IPO8: variants seen among roughly 807,000 people sequenced by gnomAD.
IPO8 encodes importin-8.
IPO8 carries 65 observed loss-of-function variants against 141.2 expected under a neutral mutation model. That is an observed-to-expected ratio of 0.46 (90% CI 0.38 to 0.57). IPO8 has a LOEUF of 0.57. Among genes scored for constraint, IPO8 ranks in the 20% least tolerant of loss-of-function variants. IPO8 has a pLI of 0.00. For missense variants in IPO8, 980 were observed against 1,246.8 expected (o/e 0.79, Z 3.22); for synonymous variants, 411 against 420.3 (o/e 0.98, Z 0.27).
chr12:30,639,567 T>C lies in IPO8; in HGVS notation c.2437A>G (p.Ile813Val). ...CATTGATTTATAAACTGTACAGTGA[T>C]AGGTCCAGGGTTGTGAGGCAACTGA... Reference protein sequence around the residue: ...RIQLPHNPGPITVQFINQWMN... With the variant: ...RIQLPHNPGPVTVQFINQWMN... The change falls in exon 21 of 25, where the codon ATC becomes GTC. Residue 813 changes from isoleucine (I) to valine (V), a missense_variant. Ile to Val is a conservative substitution (Grantham distance 29). Transcript: ENST00000256079. The C allele has an allele frequency of 1.2e-6, 2 of 1,614,018 alleles. No homozygotes were observed. Among genetic ancestry groups the C allele is most frequent in the East Asian group, 2.2e-5 (1 of 44,866 alleles).
chr12:30,645,116 G>A (rs901351421), intron 20 of IPO8, among the ~76,000 whole-genome samples: 4 of 151,392 alleles, frequency 2.6e-5, no homozygotes, highest in South Asian at 2.1e-4. Flanking sequence ...GCTCACGCCT[G>A]TAATCCCAGC....
intron 11 of IPO8, 75 bp downstream of exon 11, chr12:30,666,100 A>G (rs1245261065): frequency 3.2e-6 from 3 of 948,074 alleles, no homozygotes; most frequent in Non-Finnish European, 3.2e-6. Flanking sequence ...TTTCTCAAAT[A>G]CTAGGGATAT....
At chr12:30,635,907 C>G (rs1331842136) in intron 22 of IPO8, among the ~76,000 whole-genome samples, 1 of 151,868 alleles carries the variant, frequency 6.6e-6, no homozygotes, top group Non-Finnish European at 1.5e-5. Context: ...TTCCCTCAAG[C>G]CATACAGTAT....
chr12:30,676,630 C>CAAAA (rs1240336310), intron 5 of IPO8, 43 bp from the exon 6 acceptor site: 1 of 1,392,754 alleles, frequency 7.2e-7, no homozygotes, highest in African/African-American at 1.4e-5. Context: ...TCCTCCCATC[C>CAAAA]AAAAAAATCA....
intron 16 of IPO8, among the ~76,000 whole-genome samples, chr12:30,659,126 C>T (rs933939521): frequency 2.0e-5 from 3 of 151,940 alleles, no homozygotes; most frequent in Non-Finnish European, 4.4e-5. Context: ...GTGATCCACC[C>T]GCCTCAGCCT....
In IPO8 at chr12:30,652,287, T is replaced by G. The variant is rs762290869; in HGVS notation, c.2077A>C (p.Met693Leu). 6.3e-7 allele frequency: 1 copy of G among 1,580,618 alleles called. No individual in the cohort carries two copies. The highest frequency in any genetic ancestry group is 1.7e-5 in the Admixed American group (1 of 58,668). The change falls in exon 19 of 25, where the codon ATG becomes CTG. Residue 693 changes from methionine (M) to leucine (L), a missense_variant and splice_region_variant. Physicochemically the swap from Met to Leu is conservative, Grantham distance 15. Transcript: ENST00000256079. ...ACATAATTATGCAGGAGAGGCATCATGTCTGAAAAAAAATCAAAATCCCAA... is the reference window on the plus strand; with the variant it reads ...ACATAATTATGCAGGAGAGGCATCAGGTCTGAAAAAAAATCAAAATCCCAA... ...QQDCFEYFTDMMPLLHNYVTI... is the reference protein window; with the variant it reads ...QQDCFEYFTDLMPLLHNYVTI...
Position 30,630,705 on chromosome 12 carries a change from G to C in IPO8, c.*155C>G. 1 of 606,698 alleles carries C rather than the reference G, an allele frequency of 1.6e-6. No homozygotes were observed. Among genetic ancestry groups the C allele is most frequent in the Non-Finnish European group, 2.9e-6 (1 of 340,672 alleles). 37.6% of individuals were successfully genotyped at this position (606,698 alleles called of 1,614,324 possible). A position where few individuals can be genotyped will look rare whatever the true frequency, so the allele number is the denominator to read the frequency against. On this transcript the variant is annotated 3_prime_UTR_variant, in exon 25 of 25. Coordinates refer to ENST00000256079, the MANE Select transcript of IPO8 (RefSeq NM_006390.4). The stretch of plus-strand genomic sequence containing the variant: ...ATTTCAGGGTGACAAAGGTCAAAGG[G>C]GAAAGAGTAGATAAAAGTGCTGCCT...
chr12:30,639,818 A>T, intron 20 of IPO8, 83 bp from the exon 21 acceptor site: 1 of 911,688 alleles, frequency 1.1e-6, no homozygotes, highest in Admixed American at 1.8e-5. Context: ...GAGCATTCTC[A>T]ATAAATAAGA....
At chr12:30,644,020 C>T (rs2052607224) in intron 20 of IPO8, among the ~76,000 whole-genome samples, 1 of 152,100 alleles carries the variant, frequency 6.6e-6, no homozygotes, top group Admixed American at 6.5e-5. Flanking sequence ...TTATTTTCAC[C>T]TCCACTATGT....
chr12:30,659,034 C>A (rs988911795), intron 16 of IPO8, among the ~76,000 whole-genome samples: 5 of 151,826 alleles, frequency 3.3e-5, no homozygotes, highest in Non-Finnish European at 7.4e-5. Flanking sequence ...GCGCCCGCCA[C>A]CACGCCAGGC....
chr12:30,639,689 C>T lies in IPO8; in HGVS notation c.2315G>A (p.Gly772Glu), dbSNP rs1276497535. 9 of 1,613,930 alleles carry T rather than the reference C, an allele frequency of 5.6e-6. No homozygotes were observed. Among genetic ancestry groups the T allele is most frequent in the Non-Finnish European group, 6.8e-6 (8 of 1,180,012 alleles). ...VQLVLERLTR[G>E]VKTSELRTMC... ...AGTACGAAGCTCACTAGTTTTGACC[C>T]CTCGAGTTAATCTCTCCAAAACAAG... Residue 772 changes from glycine (G) to glutamate (E), a missense_variant, in exon 21 of 25, where the codon GGG becomes GAG. Physicochemically the swap from Gly to Glu is moderately conservative, Grantham distance 98. Coordinates refer to ENST00000256079, the MANE Select transcript of IPO8 (RefSeq NM_006390.4).
chr12:30,682,778 A>C (rs1426550484), intron 3 of IPO8, among the ~76,000 whole-genome samples: 1 of 152,174 alleles, frequency 6.6e-6, no homozygotes, highest in African/African-American at 2.4e-5. Context: ...AGATTCACTT[A>C]AACTGGTAAA....
intron 16 of IPO8, among the ~76,000 whole-genome samples, chr12:30,658,090 AT>A (rs2052827067): frequency 6.6e-6 from 1 of 152,194 alleles, no homozygotes; most frequent in South Asian, 2.1e-4. Flanking sequence ...TAAATGTCCT[AT>A]TTCAACCATC....
rs902958182 is a variant in IPO8 at position 30,648,117 on chromosome 12, C to G, written c.2268+1020G>C. On this transcript the variant is annotated intron_variant, in intron 20 of 24. Transcript: ENST00000256079. Reference sequence around the variant, plus strand: ...AAATGAAAACATATTCACACAAAAACTTGTACACAAAAGTTCCTAACAGCA... The same window carrying G: ...AAATGAAAACATATTCACACAAAAAGTTGTACACAAAAGTTCCTAACAGCA... Among the ~76,000 whole-genome samples, 3 of 152,280 alleles carry G rather than the reference C, an allele frequency of 2.0e-5. No individual in the cohort carries two copies. In the East Asian group the frequency reaches 5.8e-4, roughly 29 times the overall value.
intron 19 of IPO8, 149 bp downstream of exon 19, chr12:30,652,043 A>T (rs2052734355): frequency 2.0e-6 from 1 of 510,528 alleles, no homozygotes; most frequent in Admixed American, 3.9e-5. Context: ...AATCCCAAAG[A>T]TCCTTTTGAA....
intron 2 of IPO8, chr12:30,688,459 C>T (rs1249029029): frequency 2.4e-6 from 1 of 421,758 alleles, no homozygotes; most frequent in Non-Finnish European, 4.7e-6. Flanking sequence ...ATTAGCATAA[C>T]TTTTTTTTTA....
intron 20 of IPO8, among the ~76,000 whole-genome samples, chr12:30,640,850 G>A (rs2052565637): frequency 6.6e-6 from 1 of 152,124 alleles, no homozygotes; most frequent in African/African-American, 2.4e-5. Context: ...GCTAGGAGGA[G>A]GACATTGAAT....
intron 12 of IPO8, 32 bp from the exon 13 acceptor site, chr12:30,665,341 T>A (rs1290273885): frequency 1.6e-6 from 2 of 1,222,998 alleles, no homozygotes; most frequent in African/African-American, 1.5e-5. Flanking sequence ...CTTATCAATT[T>A]CTTTTTCATA....
chr12:30,656,637 T>C (rs750626456), intron 17 of IPO8, 47 bp downstream of exon 17: 3 of 1,187,830 alleles, frequency 2.5e-6, no homozygotes, highest in Non-Finnish European at 3.6e-6. Flanking sequence ...GAGTTCAAAT[T>C]TTTAAAATTT....
Sources: allele counts gnomAD v4.1 joint callset (sites outside exome capture counted in the v4.1 genomes callset), GRCh38; gene constraint gnomAD v4.1.1; transcripts MANE v1.5; gene names NCBI Gene and HGNC (gene_info 2026-07-23, HGNC 2026-07-21).